CSMD1: variants seen among roughly 807,000 people sequenced by gnomAD.
CSMD1 encodes the protein CUB and sushi domain-containing protein 1.
Under a neutral mutation model 417.5 loss-of-function variants are expected in CSMD1, and 213 were observed. The ratio of observed to expected loss-of-function variants is 0.51; its 90% CI spans 0.46 to 0.57. The LOEUF is 0.57. CSMD1 is among the 20% of genes least tolerant of loss of function. The pLI is 0.00. For missense variants in CSMD1, 6,923 were observed against 4,529.7 expected, an observed-to-expected ratio of 1.53 and a Z score of -15.17; for synonymous variants, 2,862 against 1,736.8, an observed-to-expected ratio of 1.65 and a Z score of -16.11.
intron 3 of CSMD1, among the ~76,000 whole-genome samples, chr8:4,338,328 T>G (rs1800289999): frequency 6.6e-6 from 1 of 152,168 alleles, no homozygotes; most frequent in Non-Finnish European, 1.5e-5. Context: ...ACCTCGTATG[T>G]GATCTGTTCC....
intron 7 of CSMD1, among the ~76,000 whole-genome samples, chr8:3,636,290 C>G (rs566517470): frequency 6.6e-6 from 1 of 152,290 alleles, no homozygotes; most frequent in African/African-American, 2.4e-5. Context: ...GAAGGCCCTG[C>G]CTGAGGCTGT....
intron 33 of CSMD1, among the ~76,000 whole-genome samples, chr8:3,190,325 C>T (rs945946615): frequency 1.3e-5 from 2 of 151,218 alleles, no homozygotes; most frequent in Admixed American, 6.6e-5. Flanking sequence ...CTCCAACAAT[C>T]GCTATAGAGA....
At chr8:4,408,263 G>A (rs907717225) in intron 3 of CSMD1, among the ~76,000 whole-genome samples, 1 of 152,098 alleles carries the variant, frequency 6.6e-6, no homozygotes, top group Admixed American at 6.6e-5. Flanking sequence ...CAGAGGATAT[G>A]AAAGAATATA....
chr8:3,577,779 C>T (rs1800213128), intron 9 of CSMD1, among the ~76,000 whole-genome samples: 1 of 152,188 alleles, frequency 6.6e-6, no homozygotes, highest in African/African-American at 2.4e-5. Flanking sequence ...TGCTTCTTTA[C>T]CATCTGATGA....
At chr8:4,237,125 G>C (rs1249369686) in intron 3 of CSMD1, among the ~76,000 whole-genome samples, 2 of 152,084 alleles carry the variant, frequency 1.3e-5, no homozygotes, top group Non-Finnish European at 2.9e-5. Context: ...TAGCTACTTT[G>C]CACGGAAGCC....
At chr8:4,353,537 C>A (rs192814176) in intron 3 of CSMD1, among the ~76,000 whole-genome samples, 1 of 151,904 alleles carries the variant, frequency 6.6e-6, no homozygotes, top group Non-Finnish European at 1.5e-5. Context: ...AAAAATCAGA[C>A]CTTTCCTAGG....
chr8:3,369,163 C>T (rs984038008), intron 19 of CSMD1, 91 bp downstream of exon 19: 1 of 628,956 alleles, frequency 1.6e-6, no homozygotes, highest in East Asian at 2.8e-5. Context: ...AGTTATCTCA[C>T]TTGTTTACAC....
At chr8:3,563,145 T>C (rs779939108) in intron 10 of CSMD1, among the ~76,000 whole-genome samples, 14 of 152,086 alleles carry the variant, frequency 9.2e-5, no homozygotes, top group Non-Finnish European at 1.3e-4. Context: ...CCCTATTTCA[T>C]TGTCCTAATG....
At chr8:4,921,569 G>A (rs1806501339) in intron 1 of CSMD1, among the ~76,000 whole-genome samples, 1 of 152,108 alleles carries the variant, frequency 6.6e-6, no homozygotes, top group African/African-American at 2.4e-5. Context: ...AAATTCAGAT[G>A]CTTATTAACA....
intron 12 of CSMD1, among the ~76,000 whole-genome samples, chr8:3,410,238 T>G (rs1304984182): frequency 6.6e-6 from 1 of 152,250 alleles, no homozygotes; most frequent in Non-Finnish European, 1.5e-5. Flanking sequence ...AATGTTTTCA[T>G]TAAAATATTT....
At chr8:4,694,204 C>G (rs1806964994) in intron 1 of CSMD1, among the ~76,000 whole-genome samples, 1 of 152,192 alleles carries the variant, frequency 6.6e-6, no homozygotes, top group African/African-American at 2.4e-5. Context: ...AAATGCGTAT[C>G]TGATTGCTTC....
chr8:4,697,628 G>C (rs1443258343), intron 1 of CSMD1, among the ~76,000 whole-genome samples: 1 of 152,144 alleles, frequency 6.6e-6, no homozygotes, highest in African/African-American at 2.4e-5. Context: ...TAAGGCCAAA[G>C]GCAATTAAGC....
chr8:3,715,835 G>T (rs934178120), intron 6 of CSMD1, among the ~76,000 whole-genome samples: 1 of 152,156 alleles, frequency 6.6e-6, no homozygotes, highest in Non-Finnish European at 1.5e-5. Flanking sequence ...GAGCCACAGC[G>T]CCCGGCCTGC....
At chr8:4,817,656 T>C (rs79729794) in intron 1 of CSMD1, among the ~76,000 whole-genome samples, 1 of 152,114 alleles carries the variant, frequency 6.6e-6, no homozygotes, top group Admixed American at 6.5e-5. Context: ...AAATCAATGG[T>C]ATTACAGGGC....
chr8:3,871,881 G>C lies in CSMD1; in HGVS notation c.819-117839C>G, dbSNP rs549157916. 7.2e-5 allele frequency among the ~76,000 whole-genome samples: 11 copies of C among 152,214 alleles called. No homozygotes were observed. In the East Asian group the frequency reaches 1.7e-3, roughly 24 times the overall value. The stretch of plus-strand genomic sequence containing the variant: ...ACTCCCTTCTGAAAGAAAATAACAG[G>C]TGTTGATTTTGAAATAAAGATAAAA... On this transcript the variant is annotated intron_variant, in intron 5 of 69. Coordinates refer to ENST00000635120, the MANE Select transcript of CSMD1 (RefSeq NM_033225.6).
At chr8:3,310,467 T>C (rs60661845) in intron 23 of CSMD1, among the ~76,000 whole-genome samples, 2,857 of 152,292 alleles carry the variant, frequency 0.019, 94 homozygotes, top group African/African-American at 0.064. Flanking sequence ...TGATTCTCCC[T>C]GGCCACACTT....
At chr8:3,429,576 C>A (rs1476281630) in intron 12 of CSMD1, among the ~76,000 whole-genome samples, 1 of 152,128 alleles carries the variant, frequency 6.6e-6, no homozygotes, top group Non-Finnish European at 1.5e-5. Flanking sequence ...TATTCGCACT[C>A]TGGGAGGGGT....
intron 3 of CSMD1, among the ~76,000 whole-genome samples, chr8:4,071,555 T>C (rs1799559776): frequency 1.3e-5 from 2 of 152,210 alleles, no homozygotes; most frequent in South Asian, 2.1e-4. Flanking sequence ...AAAATCCTTC[T>C]CCGCTAATTC....
chr8:4,455,566 C>G (rs1799416804), intron 2 of CSMD1, among the ~76,000 whole-genome samples: 2 of 152,078 alleles, frequency 1.3e-5, no homozygotes, highest in African/African-American at 4.8e-5. Context: ...TGACCTCCTG[C>G]TTGTGAGATC....
Sources: allele counts gnomAD v4.1 joint callset (sites outside exome capture counted in the v4.1 genomes callset), GRCh38; gene constraint gnomAD v4.1.1; transcripts MANE v1.5; gene names NCBI Gene and HGNC (gene_info 2026-07-23, HGNC 2026-07-21).